KANK4: variants seen among roughly 807,000 people sequenced by gnomAD.
KANK4 encodes the protein KN motif and ankyrin repeat domains 4, also known as KN motif and ankyrin repeat domain-containing protein 4.
In KANK4, 50 loss-of-function variants were observed where a neutral mutation model predicts 80.8. That is an observed-to-expected ratio of 0.62 (90% confidence interval 0.49 to 0.78). The LOEUF is 0.78. KANK4 is among the 30% of genes least tolerant of loss of function. The pLI is 0.00. For synonymous variants in KANK4, 465 were observed against 506.9 expected (o/e 0.92, Z 1.11); for missense variants, 1,196 against 1,240.1 (o/e 0.96, Z 0.53).
At chr1:62,271,629 G>A (rs1672166214) in intron 3 of KANK4, 40 bp from the exon 4 acceptor site, 15 of 1,454,384 alleles carry the variant, frequency 1.0e-5, no homozygotes, top group Non-Finnish European at 1.4e-5. Context: ...TGATCTTGGG[G>A]ATGCATGGGA....
At chr1:62,250,604 C>G (rs772681893) in intron 8 of KANK4, among the ~76,000 whole-genome samples, 1 of 152,116 alleles carries the variant, frequency 6.6e-6, no homozygotes, top group Non-Finnish European at 1.5e-5. Flanking sequence ...TTTGGTGACC[C>G]GGAATGAGTC....
intron 7 of KANK4, among the ~76,000 whole-genome samples, 200 bp from the exon 8 acceptor site, chr1:62,253,409 CTTTTTT>C (rs34488630): frequency 5.4e-5 from 6 of 110,982 alleles, no homozygotes; most frequent in African/African-American, 2.1e-4. Flanking sequence ...TTCTTTCTTT[CTTTTTT>C]TTTTTTTTTT....
Position 62,236,650 on chromosome 1 carries a change from A to T in KANK4, c.*1627T>A, listed in dbSNP as rs1212175654. Among the ~76,000 whole-genome samples, 1 of 143,074 alleles carries T rather than the reference A, an allele frequency of 7.0e-6. No homozygotes were observed. The highest frequency in any genetic ancestry group is 1.5e-5 in the Non-Finnish European group (1 of 67,040). The allele number at this position is 143,074 out of a possible 152,430, so 93.9% of individuals were successfully genotyped here. ...TTGCTCGTTACCCAGGCTGGAGTGC[A>T]ATGGCACGATCTCGGCTCACTGAAA... On this transcript the variant is annotated 3_prime_UTR_variant, in exon 10 of 10. Coordinates refer to ENST00000371153, the MANE Select transcript of KANK4 (RefSeq NM_181712.5).
chr1:62,271,415 G>A, intron 4 of KANK4, 63 bp downstream of exon 4: 2 of 1,097,100 alleles, frequency 1.8e-6, no homozygotes, highest in Non-Finnish European at 2.8e-6. Flanking sequence ...AAAAGAGAGT[G>A]CAAAGGACAA....
At chr1:62,249,550 T>G (rs1247102666) in intron 8 of KANK4, among the ~76,000 whole-genome samples, 2 of 150,882 alleles carry the variant, frequency 1.3e-5, no homozygotes, top group Non-Finnish European at 3.0e-5. Flanking sequence ...GGCCAATTTT[T>G]TTTTTTTTTT....
At chr1:62,314,256 G>A (rs1644521618) in intron 1 of KANK4, among the ~76,000 whole-genome samples, 1 of 151,948 alleles carries the variant, frequency 6.6e-6, no homozygotes, top group African/African-American at 2.4e-5. Flanking sequence ...TCAGGTGATT[G>A]GCCTGCCTCA....
Position 62,281,555 on chromosome 1 carries a change from T to A in KANK4, c.10A>T (p.Thr4Ser). 1 of 1,614,228 alleles carries A rather than the reference T, an allele frequency of 6.2e-7. No individual in the cohort carries two copies. Among genetic ancestry groups the A allele is most frequent in the Non-Finnish European group, 8.5e-7 (1 of 1,180,036 alleles). The change falls in exon 2 of 10, where the codon ACA (threonine) becomes TCA (serine). Residue 4 changes from threonine (T) to serine (S), a missense_variant. Thr to Ser is a moderately conservative substitution (Grantham distance 58). Around this residue, in one of 3 missense-constraint regions of KANK4, gnomAD observed 36 missense variants for 34.0 expected, o/e 1.06. Transcript: ENST00000371153. MEK[T>S]DAKDQSSQGD... ...TACAAAGCAGCTTGCCTACCATCTG[T>A]CTTCTCCATCTTTGGAGCGCTGACC...
Position 62,274,050 on chromosome 1 carries a change from G to C in KANK4, c.1054C>G (p.Leu352Val). 1.2e-6 allele frequency: 2 copies of C among 1,614,182 alleles called. No individual in the cohort carries two copies. Among genetic ancestry groups the C allele is most frequent in the Non-Finnish European group, 1.7e-6 (2 of 1,180,034 alleles). The stretch of plus-strand genomic sequence containing the variant: ...GTTCTTCCAGACAACTCTCCCTCCA[G>C]GGCCGAGACCTGCTGTTTCAGGCTG... ...ISSLKQQVSA[L>V]EGELSGRTEE... Residue 352 changes from leucine to valine, a missense_variant, in exon 3 of 10, where the codon CTG becomes GTG. By Grantham distance (32) the Leu-to-Val change is conservative. Around this residue, in one of 3 missense-constraint regions of KANK4, gnomAD observed 1,154 missense variants for 1,179.6 expected, o/e 0.98. Transcript: ENST00000371153.
intron 1 of KANK4, among the ~76,000 whole-genome samples, chr1:62,316,292 C>G (rs1403158839): frequency 6.6e-6 from 1 of 152,230 alleles, no homozygotes; most frequent in Non-Finnish European, 1.5e-5. Flanking sequence ...GCCCATCTGT[C>G]TTCCTAATTG....
intron 1 of KANK4, among the ~76,000 whole-genome samples, chr1:62,305,513 G>C (rs1473227691): frequency 6.6e-6 from 1 of 152,064 alleles, no homozygotes; most frequent in African/African-American, 2.4e-5. Context: ...GTTTTGCCAT[G>C]TTGGCCAGGC....
intron 1 of KANK4, among the ~76,000 whole-genome samples, chr1:62,317,506 A>G (rs916470024): frequency 3.9e-5 from 6 of 152,222 alleles, no homozygotes; most frequent in African/African-American, 1.4e-4. Context: ...AAAGGAAGGC[A>G]CTGACTGGAC....
intron 9 of KANK4, among the ~76,000 whole-genome samples, chr1:62,245,072 G>A (rs1326638549): frequency 5.3e-5 from 8 of 152,146 alleles, no homozygotes; most frequent in South Asian, 2.1e-4. Context: ...CCTGTCCCAC[G>A]GGCCTCCCAT....
intron 1 of KANK4, among the ~76,000 whole-genome samples, chr1:62,285,224 G>T (rs1487459192): frequency 6.6e-6 from 1 of 152,208 alleles, no homozygotes; most frequent in Non-Finnish European, 1.5e-5. Flanking sequence ...GGGCGGTAAG[G>T]AGGTGAGGAC....
intron 1 of KANK4, among the ~76,000 whole-genome samples, chr1:62,286,640 C>T (rs1345082666): frequency 6.6e-6 from 1 of 152,202 alleles, no homozygotes; most frequent in African/African-American, 2.4e-5. Flanking sequence ...CTCCCTGCAG[C>T]TGATGTGGCT....
chr1:62,314,576 T>C (rs1374528913), intron 1 of KANK4, among the ~76,000 whole-genome samples: 1 of 152,160 alleles, frequency 6.6e-6, no homozygotes, highest in South Asian at 2.1e-4. Context: ...ATTCTCCCTA[T>C]GCTGTATTTC....
At chr1:62,289,996 G>A (rs887097395) in intron 1 of KANK4, among the ~76,000 whole-genome samples, 1 of 152,092 alleles carries the variant, frequency 6.6e-6, no homozygotes, top group Non-Finnish European at 1.5e-5. Flanking sequence ...TATAAGTCAC[G>A]GAGCTGTCAG....
intron 1 of KANK4, among the ~76,000 whole-genome samples, chr1:62,283,441 A>T (rs370338438): frequency 2.6e-5 from 4 of 152,212 alleles, no homozygotes; most frequent in African/African-American, 9.7e-5. Context: ...TTGTAGCAGG[A>T]TGTGCCCTCA....
At chr1:62,307,998 C>G (rs1196394435) in intron 1 of KANK4, among the ~76,000 whole-genome samples, 2 of 152,164 alleles carry the variant, frequency 1.3e-5, no homozygotes, top group East Asian at 3.8e-4. Flanking sequence ...CACCCCCTGC[C>G]TTAACACCCC....
chr1:62,305,332 AGAGT>A (rs1270331089), intron 1 of KANK4, among the ~76,000 whole-genome samples: 31 of 152,102 alleles, frequency 2.0e-4, no homozygotes, highest in Non-Finnish European at 4.1e-4. Context: ...TTTTTGAGAC[AGAGT>A]CTCGCTTTGT....
Sources: gnomAD v4.1 joint callset for allele counts (sites outside exome capture counted in the v4.1 genomes callset) on GRCh38, gnomAD v4.1.1 for gene constraint, gnomAD v4.1.1 regional missense constraint, MANE v1.5 for transcripts, NCBI Gene and HGNC (gene_info 2026-07-23, HGNC 2026-07-21) for gene names.